Variants in HHAT observed in about 807,000 individuals in gnomAD.
The protein encoded by HHAT is protein-cysteine N-palmitoyltransferase HHAT.
HHAT carries 47 observed loss-of-function variants against 70.8 expected under a neutral mutation model. The observed-to-expected ratio is 0.66, with a 90% confidence interval of 0.53 to 0.85. The LOEUF (loss-of-function observed/expected upper bound fraction) is 0.85. Among genes scored for constraint, HHAT ranks in the 40% least tolerant of loss-of-function variants. HHAT has a pLI of 0.00. For missense variants in HHAT, 609 were observed against 604.8 expected, an observed-to-expected ratio of 1.01 and a Z score of -0.07; for synonymous variants, 228 against 247.6, an observed-to-expected ratio of 0.92 and a Z score of 0.74.
At chr1:210,448,547 C>T (rs946674354) in intron 7 of HHAT, among the ~76,000 whole-genome samples, 1 of 152,146 alleles carries the variant, frequency 6.6e-6, no homozygotes, top group African/African-American at 2.4e-5. Context: ...GCCTAATATT[C>T]AGCCTCTCCA....
intron 3 of HHAT, among the ~76,000 whole-genome samples, chr1:210,366,809 C>G (rs1216897204): frequency 6.6e-6 from 1 of 152,284 alleles, no homozygotes; most frequent in Non-Finnish European, 1.5e-5. Flanking sequence ...TGTTCCTCTT[C>G]TGGATTGGGG....
At chr1:210,673,617 G>T (rs1276209418) in intron 11 of HHAT, among the ~76,000 whole-genome samples, 1 of 149,420 alleles carries the variant, frequency 6.7e-6, no homozygotes, top group East Asian at 2.0e-4. Flanking sequence ...ACCAATACTG[G>T]GTCTAACTCT....
chr1:210,365,312 T>TTG (rs2088813182), intron 3 of HHAT, among the ~76,000 whole-genome samples: 2 of 114,182 alleles, frequency 1.8e-5, no homozygotes, highest in Non-Finnish European at 3.7e-5. Context: ...GCTGACAGTT[T>TTG]TTTTTTTTTT....
intron 9 of HHAT, among the ~76,000 whole-genome samples, chr1:210,517,092 A>G (rs954291675): frequency 1.1e-4 from 16 of 152,214 alleles, no homozygotes; most frequent in Admixed American, 2.6e-4. Flanking sequence ...GAAGAAGCCT[A>G]CTGGCTGGAG....
chr1:210,646,611 G>A (rs1674126012), intron 11 of HHAT, among the ~76,000 whole-genome samples: 1 of 152,164 alleles, frequency 6.6e-6, no homozygotes, highest in South Asian at 2.1e-4. Context: ...TCACACTAAG[G>A]AAAATTTGAA....
intron 3 of HHAT, among the ~76,000 whole-genome samples, chr1:210,369,291 C>T (rs960464793): frequency 6.6e-6 from 1 of 152,144 alleles, no homozygotes; most frequent in African/African-American, 2.4e-5. Flanking sequence ...TTGGGGCAGA[C>T]CTCTAAATAA....
Position 210,572,206 on chromosome 1 carries a change from A to G in HHAT, c.1044-15692A>G, listed in dbSNP as rs149027162. Among the ~76,000 whole-genome samples, 459 of 152,300 alleles carry G rather than the reference A, an allele frequency of 3.0e-3. 1 individual carries two copies. Among genetic ancestry groups the G allele is most frequent in the African/African-American group, 0.01 (426 of 41,566 alleles). ...CTGATAGGGATCGTGAATCATAATT[A>G]TGGTAAATGAGAGGCAGTTGAAACT... On this transcript the variant is annotated intron_variant, in intron 9 of 11. Transcript: ENST00000261458.
In HHAT at chr1:210,486,053, A is replaced by G. The variant is rs555925833; in HGVS notation, c.1007+21398A>G. On this transcript the variant is annotated intron_variant, in intron 8 of 11. Transcript: ENST00000261458. ...AATTCTGAAAATTGAGGCAGGAATT[A>G]TACGTGCTTGAATTAGTATTCTCAC... is the stretch of plus-strand genomic sequence containing the variant. 3.9e-5 allele frequency among the ~76,000 whole-genome samples: 6 copies of G among 152,308 alleles called. No individual in the cohort carries two copies. In the East Asian group the frequency reaches 7.7e-4, roughly 20 times the overall value.
intron 11 of HHAT, among the ~76,000 whole-genome samples, chr1:210,627,370 T>TGGTATGATTC (rs1280704087): frequency 2.6e-5 from 4 of 152,144 alleles, no homozygotes; most frequent in African/African-American, 9.7e-5. Context: ...CTGGAAAAGT[T>TGGTATGATTC]GTCTTAAAAT....
intron 4 of HHAT, among the ~76,000 whole-genome samples, chr1:210,396,078 G>A (rs2091767567): frequency 6.6e-6 from 1 of 152,094 alleles, no homozygotes; most frequent in South Asian, 2.1e-4. Context: ...AGTCAACCAG[G>A]GTTAGTAAGA....
At chr1:210,665,025 G>C (rs554242658) in intron 11 of HHAT, among the ~76,000 whole-genome samples, 6 of 152,104 alleles carry the variant, frequency 3.9e-5, no homozygotes, top group Non-Finnish European at 8.8e-5. Flanking sequence ...TTCCCCATTG[G>C]ATATATCCCT....
intron 3 of HHAT, among the ~76,000 whole-genome samples, chr1:210,385,848 TA>T (rs2091005869): frequency 6.6e-6 from 1 of 152,206 alleles, no homozygotes; most frequent in African/African-American, 2.4e-5. Context: ...CATATGCTCT[TA>T]TTTAAGCCTC....
chr1:210,341,958 G>A (rs985480597), intron 1 of HHAT, among the ~76,000 whole-genome samples: 8 of 151,958 alleles, frequency 5.3e-5, no homozygotes, highest in African/African-American at 1.9e-4. Flanking sequence ...ACGTTCTACC[G>A]CTTTGTCCTC....
At chr1:210,368,676 C>T (rs920248945) in intron 3 of HHAT, among the ~76,000 whole-genome samples, 1 of 152,144 alleles carries the variant, frequency 6.6e-6, no homozygotes, top group African/African-American at 2.4e-5. Context: ...ACAGAAAACA[C>T]CCAGCATGCT....
intron 10 of HHAT, among the ~76,000 whole-genome samples, chr1:210,605,154 C>A (rs1387722790): frequency 6.6e-6 from 1 of 152,210 alleles, no homozygotes; most frequent in East Asian, 1.9e-4. Flanking sequence ...GAATCTTTCA[C>A]ATTTGTTATT....
intron 8 of HHAT, among the ~76,000 whole-genome samples, chr1:210,501,775 T>G (rs1426682482): frequency 6.6e-6 from 1 of 152,212 alleles, no homozygotes; most frequent in African/African-American, 2.4e-5. Context: ...ATTTCACCTC[T>G]GAGGTACAGG....
At chr1:210,526,437 G>T (rs898264263) in intron 9 of HHAT, among the ~76,000 whole-genome samples, 1 of 148,830 alleles carries the variant, frequency 6.7e-6, no homozygotes, top group African/African-American at 2.5e-5. Flanking sequence ...AGCTCAACAG[G>T]GGGAGCGCAT....
At chr1:210,380,190 C>A (rs2090525500) in intron 3 of HHAT, among the ~76,000 whole-genome samples, 1 of 152,124 alleles carries the variant, frequency 6.6e-6, no homozygotes, top group Admixed American at 6.5e-5. Context: ...TATATGTAGA[C>A]CCTGTCGGAA....
At chr1:210,518,991 A>G (rs1055375774) in intron 9 of HHAT, among the ~76,000 whole-genome samples, 1 of 152,206 alleles carries the variant, frequency 6.6e-6, no homozygotes, top group Non-Finnish European at 1.5e-5. Flanking sequence ...GTGACTGATG[A>G]TGGTAAATAA....
Sources: gnomAD v4.1 joint callset for allele counts (sites outside exome capture counted in the v4.1 genomes callset) on GRCh38, gnomAD v4.1.1 for gene constraint, MANE v1.5 for transcripts, NCBI Gene and HGNC (gene_info 2026-07-23, HGNC 2026-07-21) for gene names.